Variants in SLCO1A2 observed in about 807,000 individuals in gnomAD.
SLCO1A2 encodes solute carrier organic anion transporter family member 1A2.
SLCO1A2 carries 67 observed loss-of-function variants against 69.0 expected under a neutral mutation model. That is an observed-to-expected ratio of 0.97 (90% CI 0.80 to 1.19). SLCO1A2 has a LOEUF of 1.19. Ranked by LOEUF, SLCO1A2 falls within the 50% of genes most tolerant of loss-of-function variation. The probability of loss-of-function intolerance (pLI) is 0.00; values close to 1 mark genes in which losing one functional copy is unlikely to be tolerated. For missense variants in SLCO1A2, 787 were observed against 793.7 expected (o/e 0.99, Z 0.10); for synonymous variants, 260 against 265.9 (o/e 0.98, Z 0.22).
In SLCO1A2 at chr12:21,334,702, C is replaced by A. The variant is rs1014865351; in HGVS notation, c.-55G>T. The A allele has an allele frequency of 2.0e-5, 29 of 1,419,088 alleles. No homozygotes were observed. The highest frequency in any genetic ancestry group is 2.6e-5 in the Non-Finnish European group (27 of 1,032,522). 87.9% of individuals were successfully genotyped at this position (1,419,088 alleles called of 1,614,324 possible). A position where few individuals can be genotyped will look rare whatever the true frequency, so the allele number is the denominator to read the frequency against. On this transcript the variant is annotated 5_prime_UTR_variant, in exon 2 of 15. Transcript: ENST00000683939. ...ATGTTTTAAATCTTGATATGTCTTA[C>A]TTCTACCCTTTCAAGCAAACAAAAA... is the stretch of plus-strand genomic sequence containing the variant.
chr12:21,361,471 G>A (rs1294112986), intron 2 of SLCO1A2, among the ~76,000 whole-genome samples: 1 of 152,178 alleles, frequency 6.6e-6, no homozygotes, highest in Non-Finnish European at 1.5e-5. Flanking sequence ...CTAAAAATTA[G>A]CGCACCTCTT....
intron 2 of SLCO1A2, among the ~76,000 whole-genome samples, chr12:21,368,253 T>G (rs1939533590): frequency 6.6e-6 from 1 of 151,942 alleles, no homozygotes; most frequent in Non-Finnish European, 1.5e-5. Flanking sequence ...AAACTACAAG[T>G]ATAGAGGAAA....
At chr12:21,294,254 T>A (rs1166148244) in intron 10 of SLCO1A2, 144 bp from the exon 11 acceptor site, 2 of 596,334 alleles carry the variant, frequency 3.4e-6, no homozygotes, top group African/African-American at 3.8e-5. Flanking sequence ...GTGACCTGTT[T>A]ACTATAGCTT....
chr12:21,272,369 G>A (rs1277062011), intron 14 of SLCO1A2, among the ~76,000 whole-genome samples: 2 of 151,490 alleles, frequency 1.3e-5, no homozygotes, highest in Non-Finnish European at 2.9e-5. Context: ...ATATTCATTT[G>A]TGGGACAAGT....
chr12:21,334,063 G>A (rs1055644029), intron 2 of SLCO1A2, among the ~76,000 whole-genome samples: 29 of 151,832 alleles, frequency 1.9e-4, no homozygotes, highest in African/African-American at 6.0e-4. Flanking sequence ...TGACTTTGAA[G>A]CTAGAAAACA....
intron 1 of SLCO1A2, among the ~76,000 whole-genome samples, chr12:21,401,227 A>G (rs1015225274): frequency 6.6e-6 from 1 of 151,900 alleles, no homozygotes; most frequent in East Asian, 1.9e-4. Flanking sequence ...AATCACAAAA[A>G]AGTTCCTATA....
At chr12:21,395,562 T>TA (rs1157405347), upstream of SLCO1A2, 1 of 152,342 alleles carries the variant, frequency 6.6e-6, no homozygotes, top group East Asian at 1.9e-4. Context: ...GCTCCACCTC[T>TA]GGGGGCAGGG....
intron 12 of SLCO1A2, among the ~76,000 whole-genome samples, chr12:21,277,677 T>C (rs1944120563): frequency 6.6e-6 from 1 of 152,158 alleles, no homozygotes; most frequent in Non-Finnish European, 1.5e-5. Context: ...GATGAAAATA[T>C]TCCACCTCAG....
chr12:21,383,874 A>C (rs1008845085), intron 1 of SLCO1A2, among the ~76,000 whole-genome samples: 2 of 152,208 alleles, frequency 1.3e-5, no homozygotes, highest in Non-Finnish European at 2.9e-5. Context: ...TAAGCCCATT[A>C]TGTGCCTATA....
At chr12:21,321,110 G>C (rs1340073345) in intron 2 of SLCO1A2, among the ~76,000 whole-genome samples, 1 of 152,128 alleles carries the variant, frequency 6.6e-6, no homozygotes, top group South Asian at 2.1e-4. Context: ...AGCTATGTCT[G>C]AATTACCATC....
chr12:21,400,477 C>T (rs1239903051), intron 1 of SLCO1A2, among the ~76,000 whole-genome samples: 2 of 151,584 alleles, frequency 1.3e-5, no homozygotes, highest in African/African-American at 4.8e-5. Flanking sequence ...GGCGATTCCT[C>T]AGGGATCTAG....
intron 2 of SLCO1A2, among the ~76,000 whole-genome samples, chr12:21,325,319 A>G (rs1372919767): frequency 6.6e-6 from 1 of 151,204 alleles, no homozygotes; most frequent in Non-Finnish European, 1.5e-5. Flanking sequence ...TAGGTGAAGA[A>G]GTTAAAATTA....
At chr12:21,398,773 C>A (rs2137182465), upstream of SLCO1A2, among the ~76,000 whole-genome samples, 1 of 150,218 alleles carries the variant, frequency 6.7e-6, no homozygotes, top group African/African-American at 2.4e-5. Context: ...AAGACAAAAA[C>A]CACATGATTA....
At chr12:21,371,777 C>T (rs1456544425) in intron 2 of SLCO1A2, among the ~76,000 whole-genome samples, 4 of 151,932 alleles carry the variant, frequency 2.6e-5, no homozygotes, top group East Asian at 1.9e-4. Context: ...CAGAAGTGGG[C>T]GGATCACCTG....
chr12:21,379,204 G>T (rs1056007), intron 1 of SLCO1A2: 25,898 of 152,140 alleles, frequency 0.17, 2,272 homozygotes, highest in Non-Finnish European at 0.18. Context: ...TAAAAACAAA[G>T]AAATAAAATC....
chr12:21,299,892 A>ATATATATATACGTG (rs1565482558), intron 8 of SLCO1A2, among the ~76,000 whole-genome samples: 4 of 14,854 alleles, frequency 2.7e-4, no homozygotes, highest in Non-Finnish European at 1.8e-3. Context: ...ATATACGTGT[A>ATATATATATACGTG]TATATATATA....
intron 12 of SLCO1A2, among the ~76,000 whole-genome samples, chr12:21,289,643 T>C (rs61927760): frequency 0.096 from 14,565 of 151,978 alleles, 932 homozygotes; most frequent in Non-Finnish European, 0.15. Context: ...ATAACCTTCA[T>C]AATAAACCAG....
intron 4 of SLCO1A2, among the ~76,000 whole-genome samples, chr12:21,312,529 G>T (rs1425211086): frequency 2.0e-5 from 3 of 152,044 alleles, no homozygotes; most frequent in Non-Finnish European, 4.4e-5. Flanking sequence ...CTTAGCTTTG[G>T]GCCTATTCTG....
chr12:21,334,778 G>C (rs977113450), intron 1 of SLCO1A2, 49 bp downstream of exon 1: 1 of 684,772 alleles, frequency 1.5e-6, no homozygotes, highest in Non-Finnish European at 2.4e-6. Context: ...TTTGAAGTAA[G>C]TGCTGAAAAT....
Sources: gnomAD v4.1 joint callset for allele counts (sites outside exome capture counted in the v4.1 genomes callset) on GRCh38, gnomAD v4.1.1 for gene constraint, MANE v1.5 for transcripts, NCBI Gene and HGNC (gene_info 2026-07-23, HGNC 2026-07-21) for gene names.